LNPK: variants seen among roughly 807,000 people sequenced by gnomAD.
LNPK encodes the protein endoplasmic reticulum junction formation protein lunapark.
A neutral mutation model predicts 55.2 loss-of-function variants in LNPK; 29 were observed. That is an observed-to-expected ratio of 0.53 (90% CI 0.39 to 0.72). The LOEUF is 0.72. Ranked by LOEUF, LNPK falls within the 30% of genes least tolerant of loss-of-function variation. The pLI, the probability that LNPK is intolerant of heterozygous loss-of-function variation, is 0.00. For missense variants in LNPK, 467 were observed against 494.8 expected (o/e 0.94, Z 0.53); for synonymous variants, 162 against 168.2 (o/e 0.96, Z 0.29).
chr2:175,996,868 A>G (rs546344062), intron 1 of LNPK, among the ~76,000 whole-genome samples: 1 of 152,330 alleles, frequency 6.6e-6, no homozygotes, highest in South Asian at 2.1e-4. Context: ...ACAAATTTTT[A>G]TTCTTTTAAG....
chr2:175,961,681 T>C (rs975066010), intron 8 of LNPK, among the ~76,000 whole-genome samples: 1 of 152,160 alleles, frequency 6.6e-6, no homozygotes, highest in African/African-American at 2.4e-5. Context: ...CTATTCAACA[T>C]AGGGTTGGAA....
At chr2:175,983,511 C>CA (rs199795442) in intron 4 of LNPK, among the ~76,000 whole-genome samples, 1 of 151,266 alleles carries the variant, frequency 6.6e-6, no homozygotes, top group South Asian at 2.1e-4. Flanking sequence ...AAACCAAAAG[C>CA]AAAAAAAATT....
At position 175,927,793 on chromosome 2, in the gene LNPK, T is replaced by C. The variant is rs988707157; in HGVS notation, c.*2174A>G. 17 of 147,832 alleles carry C rather than the reference T, an allele frequency of 1.1e-4. No individual in the cohort carries two copies. The highest frequency in any genetic ancestry group is 3.3e-4 in the African/African-American group (13 of 39,944). 9.2% of individuals were successfully genotyped at this position (147,832 alleles called of 1,614,324 possible). A position where few individuals can be genotyped will look rare whatever the true frequency, so the allele number is the denominator to read the frequency against. On this transcript the variant is annotated 3_prime_UTR_variant, in exon 13 of 13. Transcript: ENST00000272748. ...CATTAACTGTTTATTATAATAATAA[T>C]GAAAATAAGCTTTTGTATCTAAAAG...
At chr2:175,964,643 T>TAAGTAG in intron 6 of LNPK, 54 bp from the exon 7 acceptor site, 3 of 921,978 alleles carry the variant, frequency 3.3e-6, no homozygotes, top group Non-Finnish European at 3.6e-6. Context: ...CACTACTTAT[T>TAAGTAG]TGTATAAGTC....
At chr2:175,981,702 G>A (rs780882517) in intron 4 of LNPK, among the ~76,000 whole-genome samples, 5 of 152,210 alleles carry the variant, frequency 3.3e-5, no homozygotes, top group Non-Finnish European at 5.9e-5. Flanking sequence ...GATAACAGCA[G>A]AGGGAGTAAA....
chr2:176,002,235 A>C lies in LNPK; in HGVS notation c.-138T>G. 2.2e-6 allele frequency: 1 copy of C among 452,298 alleles called. No individual in the cohort carries two copies. Among genetic ancestry groups the C allele is most frequent in the Non-Finnish European group, 4.4e-6 (1 of 225,850 alleles). The allele number at this position is 452,298 out of a possible 1,614,324, so 28.0% of individuals were successfully genotyped here. On this transcript the variant is annotated 5_prime_UTR_variant, in exon 1 of 13. Coordinates refer to ENST00000272748, the MANE Select transcript of LNPK (RefSeq NM_030650.3). ...GGCCGCCACCGCCCAGCCTGCCTCC[A>C]GAGCAGGCAGCAGCCGCCACTGACA...
intron 9 of LNPK, among the ~76,000 whole-genome samples, chr2:175,945,060 G>A (rs1490263876): frequency 5.3e-5 from 8 of 151,508 alleles, no homozygotes; most frequent in South Asian, 2.1e-4. Context: ...CACCAGGCCC[G>A]GCTAATTTTT....
chr2:175,978,631 G>T (rs974395850), intron 5 of LNPK, among the ~76,000 whole-genome samples: 4 of 152,064 alleles, frequency 2.6e-5, no homozygotes, highest in African/African-American at 9.7e-5. Context: ...ACTATAATAG[G>T]ACCATAAGGC....
At position 175,924,697 on chromosome 2, in the gene LNPK, A is replaced by AAC. The variant is rs199676707; in HGVS notation, c.*5269_*5270insGT. 1.5e-3 allele frequency: 216 copies of AAC among 148,940 alleles called. No homozygotes were observed. Among genetic ancestry groups the AAC allele is most frequent in the East Asian group, 3.5e-3 (18 of 5,158 alleles). 9.2% of individuals were successfully genotyped at this position (148,940 alleles called of 1,614,324 possible). Reference sequence around the variant, plus strand: ...TACTGAAAAAAAAACAAAACAAACAAAAAAAAAAAACAAAGAAGAAGTTTA... The same window carrying AAC: ...TACTGAAAAAAAAACAAAACAAACAAACAAAAAAAAAACAAAGAAGAAGTTTA... On this transcript the variant is annotated 3_prime_UTR_variant, in exon 13 of 13. Coordinates refer to ENST00000272748, the MANE Select transcript of LNPK (RefSeq NM_030650.3).
At chr2:175,958,700 A>G (rs1455890598) in intron 8 of LNPK, among the ~76,000 whole-genome samples, 1 of 152,194 alleles carries the variant, frequency 6.6e-6, no homozygotes, top group African/African-American at 2.4e-5. Context: ...GAAAAGGAAC[A>G]AAGCTGGATG....
intron 10 of LNPK, chr2:175,938,646 A>C: frequency 4.2e-6 from 1 of 237,694 alleles, no homozygotes. Context: ...ATCTTTATTA[A>C]ATTAGCAGAA....
rs561779077 is a variant in LNPK, at chr2:175,924,449, T to C, written c.*5518A>G. The C allele has an allele frequency of 3.3e-5, 5 of 152,338 alleles. No individual in the cohort carries two copies. In the South Asian group the frequency reaches 6.2e-4, roughly 19 times the overall value. 9.4% of individuals were successfully genotyped at this position (152,338 alleles called of 1,614,324 possible). On this transcript the variant is annotated 3_prime_UTR_variant, in exon 13 of 13. Coordinates refer to ENST00000272748, the MANE Select transcript of LNPK (RefSeq NM_030650.3). Reference sequence around the variant, plus strand: ...ATAAAAGTAGACTTATAAGGTCTTATTTTTTAAATGAAACTTTATGTAACC... The same window carrying C: ...ATAAAAGTAGACTTATAAGGTCTTACTTTTTAAATGAAACTTTATGTAACC...
intron 12 of LNPK, among the ~76,000 whole-genome samples, chr2:175,932,670 T>C (rs1005211254): frequency 6.6e-6 from 1 of 152,182 alleles, no homozygotes; most frequent in Non-Finnish European, 1.5e-5. Context: ...AAACAAGATC[T>C]AAATAATTAA....
At chr2:175,936,071 G>T (rs1684531009) in intron 12 of LNPK, among the ~76,000 whole-genome samples, 2 of 152,192 alleles carry the variant, frequency 1.3e-5, no homozygotes, top group Non-Finnish European at 2.9e-5. Flanking sequence ...TGGCAAGGCA[G>T]ATGGTTTGCA....
At chr2:175,971,744 TA>T (rs1686672797) in intron 5 of LNPK, among the ~76,000 whole-genome samples, 1 of 152,210 alleles carries the variant, frequency 6.6e-6, no homozygotes, top group African/African-American at 2.4e-5. Flanking sequence ...ATGTGATAGC[TA>T]ACTTGTTACT....
chr2:175,942,482 T>C (rs1042044978), intron 9 of LNPK, among the ~76,000 whole-genome samples: 5 of 152,138 alleles, frequency 3.3e-5, no homozygotes, highest in Non-Finnish European at 7.4e-5. Context: ...CGTAACACAA[T>C]GTATGTTTTC....
intron 4 of LNPK, among the ~76,000 whole-genome samples, chr2:175,987,169 C>G (rs180910813): frequency 3.6e-4 from 55 of 152,240 alleles, no homozygotes; most frequent in African/African-American, 9.1e-4. Context: ...CATCCCATTA[C>G]TGGGTATATA....
rs145623801 is a variant in LNPK at position 175,938,316 on chromosome 2, T to C, written c.880A>G (p.Ile294Val). 37 of 1,567,328 alleles carry C rather than the reference T, an allele frequency of 2.4e-5. No individual in the cohort carries two copies. The highest frequency in any genetic ancestry group is 3.0e-5 in the Non-Finnish European group (34 of 1,139,576). ...GMALKEEFEYIAFRCAYCFFL... is the reference protein window; with the variant it reads ...GMALKEEFEYVAFRCAYCFFL... ...CTCATTGCCCAATAATTCTTACCAA[T>C]GTATTCAAATTCTTCCTTCAAAGCC... Residue 294 changes from isoleucine to valine, a missense_variant, in exon 11 of 13, where the codon ATT (isoleucine) becomes GTT (valine). Coordinates refer to ENST00000272748, the MANE Select transcript of LNPK (RefSeq NM_030650.3).
At chr2:175,976,310 A>T (rs1253776568) in intron 5 of LNPK, among the ~76,000 whole-genome samples, 1 of 152,242 alleles carries the variant, frequency 6.6e-6, no homozygotes, top group Non-Finnish European at 1.5e-5. Context: ...CTGTAGTAGT[A>T]AAGAAAGTGA....
Sources: allele counts gnomAD v4.1 joint callset (sites outside exome capture counted in the v4.1 genomes callset), GRCh38; gene constraint gnomAD v4.1.1; transcripts MANE v1.5; gene names NCBI Gene and HGNC (gene_info 2026-07-23, HGNC 2026-07-21).